COMMD9: variants seen among roughly 807,000 people sequenced by gnomAD.
COMMD9 encodes COMM domain containing 9, also known as COMM domain-containing protein 9.
Under a neutral mutation model 23.4 loss-of-function variants are expected in COMMD9, and 22 were observed. The observed-to-expected ratio is 0.94, with a 90% CI of 0.67 to 1.34. The LOEUF (loss-of-function observed/expected upper bound fraction) is 1.34, where lower values mean the gene tolerates loss of function less well. Among genes scored for constraint, COMMD9 ranks in the 40% most tolerant of loss-of-function variants. The pLI is 0.00. For missense variants in COMMD9, 231 were observed against 240.2 expected (o/e 0.96, Z 0.25); for synonymous variants, 99 against 97.4 (o/e 1.02, Z -0.10).
At chr11:36,277,146 G>GA (rs1200418491) in intron 3 of COMMD9, 23 bp from the exon 4 acceptor site, 14 of 1,567,712 alleles carry the variant, frequency 8.9e-6, no homozygotes, top group Non-Finnish European at 1.1e-5. Flanking sequence ...GAAAGATGAG[G>GA]AAAAAATAAT....
At chr11:36,277,668 TA>T (rs2133425764) in intron 3 of COMMD9, among the ~76,000 whole-genome samples, 1 of 151,940 alleles carries the variant, frequency 6.6e-6, no homozygotes, top group East Asian at 1.9e-4. Flanking sequence ...CAATTCTGCT[TA>T]AAATGTACGT....
chr11:36,288,051 G>A (rs1303716543), intron 1 of COMMD9, among the ~76,000 whole-genome samples: 4 of 152,154 alleles, frequency 2.6e-5, no homozygotes, highest in African/African-American at 9.7e-5. Flanking sequence ...AAATGAAGGT[G>A]AAAAGGCACT....
chr11:36,277,319 C>T (rs1214676237), intron 3 of COMMD9, among the ~76,000 whole-genome samples, 196 bp from the exon 4 acceptor site: 1 of 152,050 alleles, frequency 6.6e-6, no homozygotes, highest in Non-Finnish European at 1.5e-5. Context: ...TGTTAAGGCC[C>T]TAAGTGTTGT....
chr11:36,283,531 G>C (rs1296534375), intron 1 of COMMD9, among the ~76,000 whole-genome samples: 1 of 152,074 alleles, frequency 6.6e-6, no homozygotes, highest in East Asian at 1.9e-4. Context: ...ATAGAATGTA[G>C]TAATTAGGGC....
chr11:36,277,159 A>C, intron 3 of COMMD9, 36 bp from the exon 4 acceptor site: 1 of 1,535,792 alleles, frequency 6.5e-7, no homozygotes, highest in East Asian at 2.4e-5. Flanking sequence ...AAAATAATGG[A>C]AAGGGGATGA....
intron 4 of COMMD9, chr11:36,276,564 G>A (rs1362188471): frequency 3.7e-6 from 1 of 272,180 alleles, no homozygotes; most frequent in African/African-American, 2.1e-5. Context: ...TAGGAAATGT[G>A]TAGCTTCAGC....
At chr11:36,281,398 G>A (rs1046345573) in intron 1 of COMMD9, among the ~76,000 whole-genome samples, 1 of 152,210 alleles carries the variant, frequency 6.6e-6, no homozygotes, top group Admixed American at 6.5e-5. Flanking sequence ...AAGAAGACTT[G>A]TGAGGCTATA....
At chr11:36,288,749 G>A (rs1410139681) in intron 1 of COMMD9, among the ~76,000 whole-genome samples, 1 of 152,166 alleles carries the variant, frequency 6.6e-6, no homozygotes, top group African/African-American at 2.4e-5. Context: ...GCAGTGAGCC[G>A]AGATTGCGCC....
intron 1 of COMMD9, among the ~76,000 whole-genome samples, chr11:36,286,334 G>C (rs1277020439): frequency 6.7e-6 from 1 of 148,604 alleles, no homozygotes; most frequent in Non-Finnish European, 1.5e-5. Flanking sequence ...TGGATCACTT[G>C]TGGCCAGGAG....
At position 36,280,978 on chromosome 11, in the gene COMMD9, C is replaced by G. The variant is rs78142067; in HGVS notation, c.52-141G>C. On this transcript the variant is annotated intron_variant, in intron 1 of 5. Transcript: ENST00000263401. ...ATAAGACTTTGGATTCTAGGAAGAT[C>G]AAATAGATGTACTTTTCCCTAATCT... is the stretch of plus-strand genomic sequence containing the variant. 406 of 859,490 alleles carry G rather than the reference C, an allele frequency of 4.7e-4. 1 individual carries two copies. The African/African-American group carries it at 6.5e-3, about 14-fold the overall frequency. 53.2% of individuals were successfully genotyped at this position (859,490 alleles called of 1,614,324 possible). A position where few individuals can be genotyped will look rare whatever the true frequency, so the allele number is the denominator to read the frequency against.
intron 2 of COMMD9, among the ~76,000 whole-genome samples, chr11:36,279,287 G>A (rs548977601): frequency 2.0e-5 from 3 of 152,220 alleles, no homozygotes; most frequent in Non-Finnish European, 4.4e-5. Context: ...TGCCCGTCCT[G>A]CTAAAATGCT....
At chr11:36,288,213 C>T (rs561771268) in intron 1 of COMMD9, among the ~76,000 whole-genome samples, 5 of 152,144 alleles carry the variant, frequency 3.3e-5, no homozygotes, top group Admixed American at 2.0e-4. Flanking sequence ...AAGAGTAGAT[C>T]CCCTTAGGAG....
At position 36,289,278 on chromosome 11, in the gene COMMD9, G is replaced by T. The variant is rs111869184; in HGVS notation, c.51+84C>A. 2.3e-4 allele frequency: 312 copies of T among 1,348,412 alleles called. 2 individuals are homozygous for T. The African/African-American group carries it at 3.9e-3, about 17-fold the overall frequency. The allele number at this position is 1,348,412 out of a possible 1,614,324, so 83.5% of individuals were successfully genotyped here. ...CAGCAGAGTTGTGGCTCCAAACCAG[G>T]GTCAATTTGTTCCCAATTCCTGCTC... On this transcript the variant is annotated intron_variant, in intron 1 of 5. Coordinates refer to ENST00000263401, the MANE Select transcript of COMMD9 (RefSeq NM_014186.4).
At chr11:36,280,443 T>C (rs544664144) in intron 2 of COMMD9, among the ~76,000 whole-genome samples, 7 of 152,324 alleles carry the variant, frequency 4.6e-5, no homozygotes, top group African/African-American at 1.7e-4. Context: ...GCTAACAATT[T>C]ATGAGCATCA....
chr11:36,283,177 C>T (rs944057095), intron 1 of COMMD9, among the ~76,000 whole-genome samples: 2 of 152,192 alleles, frequency 1.3e-5, no homozygotes, highest in African/African-American at 2.4e-5. Context: ...TTGTCTCTGG[C>T]AACACCCTCA....
chr11:36,283,294 A>T (rs1264996999), intron 1 of COMMD9, among the ~76,000 whole-genome samples: 2 of 152,232 alleles, frequency 1.3e-5, no homozygotes, highest in Non-Finnish European at 2.9e-5. Flanking sequence ...AAACAAAAAC[A>T]TGGATAAATA....
Position 36,276,253 on chromosome 11 carries a change from C to G in COMMD9, c.353-13G>C. ...CGTGGCAGAGAGACTGTGGAAGGAACAGCTCAGCTCAATGCTCATGCCGCC... is the reference window on the plus strand; with the variant it reads ...CGTGGCAGAGAGACTGTGGAAGGAAGAGCTCAGCTCAATGCTCATGCCGCC... On this transcript the variant is annotated splice_polypyrimidine_tract_variant and intron_variant, in intron 4 of 5. Transcript: ENST00000263401. 6.3e-7 allele frequency: 1 copy of G among 1,587,512 alleles called. No homozygotes were observed. Among genetic ancestry groups the G allele is most frequent in the Non-Finnish European group, 8.7e-7 (1 of 1,155,598 alleles).
In COMMD9 at chr11:36,272,444, C is replaced by G. The variant is rs1181373305; in HGVS notation, c.*2188G>C. 6.6e-6 allele frequency: 1 copy of G among 152,302 alleles called. No homozygotes were observed. Among genetic ancestry groups the G allele is most frequent in the Non-Finnish European group, 1.5e-5 (1 of 68,130 alleles). The allele number at this position is 152,302 out of a possible 1,614,324, so 9.4% of individuals were successfully genotyped here. A position where few individuals can be genotyped will look rare whatever the true frequency, so the allele number is the denominator to read the frequency against. ...TGGGCTTCTTGCTTCAAGTAAGTTT[C>G]TTATGGATGCCCATGGGAGGCCAAG... On this transcript the variant is annotated 3_prime_UTR_variant, in exon 6 of 6. Coordinates refer to ENST00000263401, the MANE Select transcript of COMMD9 (RefSeq NM_014186.4).
Position 36,274,401 on chromosome 11 carries a change from TG to T in COMMD9, c.*230del, listed in dbSNP as rs113378942. 35 of 695,472 alleles carry T rather than the reference TG, an allele frequency of 5.0e-5. No individual in the cohort carries two copies. The highest frequency in any genetic ancestry group is 4.0e-4 in the African/African-American group (23 of 57,290). 43.1% of individuals were successfully genotyped at this position (695,472 alleles called of 1,614,324 possible). A position where few individuals can be genotyped will look rare whatever the true frequency, so the allele number is the denominator to read the frequency against. The stretch of plus-strand genomic sequence containing the variant: ...GTTGCACTCAGGAGCTTTTCAAAGA[TG>T]GGGGCTTCTGCTCTCCAGCTTCAGA... On this transcript the variant is annotated 3_prime_UTR_variant, in exon 6 of 6. Coordinates refer to ENST00000263401, the MANE Select transcript of COMMD9 (RefSeq NM_014186.4).
Sources: allele counts gnomAD v4.1 joint callset (sites outside exome capture counted in the v4.1 genomes callset), GRCh38; gene constraint gnomAD v4.1.1; transcripts MANE v1.5; gene names NCBI Gene and HGNC (gene_info 2026-07-23, HGNC 2026-07-21).